Variants in UAP1 observed in about 807,000 individuals in gnomAD.
UAP1 encodes UDP-N-acetylglucosamine pyrophosphorylase 1.
In UAP1, 25 loss-of-function variants were observed where a neutral mutation model predicts 58.5. The observed-to-expected ratio is 0.43, with a 90% CI of 0.31 to 0.60. The LOEUF (loss-of-function observed/expected upper bound fraction) is 0.60, where lower values mean the gene tolerates loss of function less well. UAP1 is among the 20% of genes least tolerant of loss of function. UAP1 has a pLI of 0.11. For missense variants in UAP1, 575 were observed against 630.0 expected (o/e 0.91, Z 0.93); for synonymous variants, 208 against 213.0 (o/e 0.98, Z 0.21).
chr1:162,593,139 G>A, intron 9 of UAP1: 1 of 257,118 alleles, frequency 3.9e-6, no homozygotes, highest in Non-Finnish European at 7.4e-6. Flanking sequence ...ATACCATTCT[G>A]AAGATGTGTC....
At chr1:162,592,529 C>G (rs1655376455) in intron 8 of UAP1, among the ~76,000 whole-genome samples, 1 of 152,200 alleles carries the variant, frequency 6.6e-6, no homozygotes, top group Non-Finnish European at 1.5e-5. Flanking sequence ...CAAGCTTGCT[C>G]TTGGCATGTC....
At chr1:162,585,007 A>G (rs180684443) in intron 5 of UAP1, among the ~76,000 whole-genome samples, 4 of 151,938 alleles carry the variant, frequency 2.6e-5, no homozygotes, top group African/African-American at 7.3e-5. Flanking sequence ...ACCTCTGCCT[A>G]CTGGGTTCAA....
chr1:162,565,692 G>T (rs983805909), intron 1 of UAP1, among the ~76,000 whole-genome samples: 1 of 152,120 alleles, frequency 6.6e-6, no homozygotes, highest in African/African-American at 2.4e-5. Context: ...AGGCTGCCTG[G>T]GTTCCTGTCC....
rs748636254 is a variant in UAP1, at chr1:162,590,303, T to A, written c.1170-20T>A. ...TATGCAGTTTCATAATAAAGAGGTC[T>A]TTATATGGTTTCGCTCTAGGAAGTT... is the stretch of plus-strand genomic sequence containing the variant. On this transcript the variant is annotated intron_variant, in intron 7 of 10. Coordinates refer to ENST00000271469, the Ensembl canonical transcript of UAP1. 47 of 1,597,904 alleles carry A rather than the reference T, an allele frequency of 2.9e-5. No individual in the cohort carries two copies. Among genetic ancestry groups the A allele is most frequent in the Non-Finnish European group, 3.9e-5 (46 of 1,172,844 alleles).
chr1:162,581,973 G>A (rs916196309), intron 5 of UAP1, among the ~76,000 whole-genome samples: 1 of 152,194 alleles, frequency 6.6e-6, no homozygotes, highest in Non-Finnish European at 1.5e-5. Context: ...TACTAAGTTG[G>A]AGGGAGGTTT....
At chr1:162,583,988 T>G (rs1049347492) in intron 5 of UAP1, among the ~76,000 whole-genome samples, 1 of 152,196 alleles carries the variant, frequency 6.6e-6, no homozygotes, top group African/African-American at 2.4e-5. Context: ...TTTATCACAT[T>G]AACAGAGCCA....
intron 4 of UAP1, among the ~76,000 whole-genome samples, chr1:162,580,790 A>G (rs1265610690): frequency 3.3e-5 from 5 of 152,326 alleles, no homozygotes; most frequent in Non-Finnish European, 5.9e-5. Context: ...AAGAGGCTTT[A>G]TTTATATCTC....
At chr1:162,579,453 A>G (rs756426169) in exon 4 of UAP1, 13 of 1,591,344 alleles carry the variant, frequency 8.2e-6, no homozygotes, top group Non-Finnish European at 1.0e-5. Context: ...TGGCAGAACA[A>G]TGGAATCTAC....
chr1:162,591,629 T>G (rs1157692870), intron 8 of UAP1, among the ~76,000 whole-genome samples: 1 of 151,746 alleles, frequency 6.6e-6, no homozygotes, highest in Admixed American at 6.6e-5. Flanking sequence ...GGGGTTACAC[T>G]CGCCTGCCAT....
At chr1:162,592,834 C>G in intron 9 of UAP1, 52 bp downstream of exon 9, 2 of 1,467,760 alleles carry the variant, frequency 1.4e-6, no homozygotes, top group Non-Finnish European at 1.9e-6. Flanking sequence ...GTGCTTCCCT[C>G]CATACTAACT....
chr1:162,585,237 T>G (rs1453700351), intron 5 of UAP1, among the ~76,000 whole-genome samples: 1 of 150,068 alleles, frequency 6.7e-6, no homozygotes, highest in Non-Finnish European at 1.5e-5. Context: ...TGAGTACACC[T>G]TTTAAGTTTA....
At chr1:162,571,902 C>G (rs368716603) in intron 2 of UAP1, among the ~76,000 whole-genome samples, 19 of 152,328 alleles carry the variant, frequency 1.2e-4, no homozygotes, top group African/African-American at 4.6e-4. Flanking sequence ...GCTGTAGCTG[C>G]ATTTCATTTG....
intron 1 of UAP1, 85 bp from the exon 2 acceptor site, chr1:162,565,927 A>G: frequency 1.2e-6 from 1 of 830,618 alleles, no homozygotes; most frequent in Non-Finnish European, 1.8e-6. Flanking sequence ...CATCGTTTTG[A>G]AATATTCTTA....
chr1:162,568,441 C>T (rs1240919980), intron 2 of UAP1, among the ~76,000 whole-genome samples: 1 of 152,162 alleles, frequency 6.6e-6, no homozygotes. Context: ...TTTTTCTGTT[C>T]TGTGTGTTTG....
chr1:162,579,511 A>C (rs1299751566), exon 4 of UAP1: 37 of 1,611,882 alleles, frequency 2.3e-5, no homozygotes, highest in Non-Finnish European at 3.1e-5. Context: ...AAAAAAGAGA[A>C]TGTAATCTTT....
At chr1:162,594,444 TCTC>T (rs986639277) in intron 9 of UAP1, among the ~76,000 whole-genome samples, 14 of 152,142 alleles carry the variant, frequency 9.2e-5, no homozygotes, top group African/African-American at 2.9e-4. Context: ...CCACTGCTCA[TCTC>T]CTGGTGTGTG....
chr1:162,588,649 T>A, intron 6 of UAP1, 44 bp from the exon 7 acceptor site: 2 of 1,576,460 alleles, frequency 1.3e-6, no homozygotes, highest in Non-Finnish European at 1.7e-6. Context: ...TCTGGCATTT[T>A]AAATCTGGAA....
At chr1:162,592,126 G>A (rs1007323039) in intron 8 of UAP1, among the ~76,000 whole-genome samples, 2 of 152,180 alleles carry the variant, frequency 1.3e-5, no homozygotes, top group South Asian at 2.1e-4. Context: ...GGCTGGACAC[G>A]GTGGTTTGTG....
At chr1:162,589,264 T>G (rs185844430) in intron 7 of UAP1, among the ~76,000 whole-genome samples, 1 of 127,708 alleles carries the variant, frequency 7.8e-6, no homozygotes, top group African/African-American at 3.0e-5. Context: ...TAAATATATA[T>G]TTATTTATAA....
Sources: allele counts gnomAD v4.1 joint callset (sites outside exome capture counted in the v4.1 genomes callset), GRCh38; gene constraint gnomAD v4.1.1; transcripts MANE v1.5; gene names NCBI Gene and HGNC (gene_info 2026-07-23, HGNC 2026-07-21).